Variants in PIK3R4 observed in about 807,000 individuals in gnomAD.
The protein encoded by PIK3R4 is phosphoinositide-3-kinase regulatory subunit 4, also known as phosphoinositide 3-kinase regulatory subunit 4.
In PIK3R4, 46 loss-of-function variants were observed where a neutral mutation model predicts 136.5. The observed-to-expected ratio is 0.34, with a 90% CI of 0.27 to 0.43. The LOEUF (loss-of-function observed/expected upper bound fraction) is 0.43, where lower values mean the gene tolerates loss of function less well. Ranked by LOEUF, PIK3R4 falls within the 20% of genes least tolerant of loss-of-function variation. The pLI, the probability that PIK3R4 is intolerant of heterozygous loss-of-function variation, is 1.00. For missense variants in PIK3R4, 1,331 were observed against 1,649.5 expected (o/e 0.81, Z 3.35); for synonymous variants, 557 against 566.7 (o/e 0.98, Z 0.24).
At chr3:130,717,688 A>G (rs1576458745) in intron 8 of PIK3R4, among the ~76,000 whole-genome samples, 1 of 152,348 alleles carries the variant, frequency 6.6e-6, no homozygotes, top group Non-Finnish European at 1.5e-5. Context: ...TTGAAATACA[A>G]AAGTGGGAGA....
intron 15 of PIK3R4, among the ~76,000 whole-genome samples, chr3:130,685,161 T>G (rs1261356466): frequency 6.6e-6 from 1 of 152,192 alleles, no homozygotes; most frequent in African/African-American, 2.4e-5. Context: ...AGGGGAAATG[T>G]TGATCAAAGA....
chr3:130,735,547 T>C (rs1016943350), intron 3 of PIK3R4, among the ~76,000 whole-genome samples: 3 of 152,206 alleles, frequency 2.0e-5, no homozygotes. Context: ...CATTTCTTAC[T>C]AGCAAGCTCT....
chr3:130,719,550 C>T (rs1455419954), intron 7 of PIK3R4, among the ~76,000 whole-genome samples: 2 of 152,122 alleles, frequency 1.3e-5, no homozygotes, highest in African/African-American at 4.8e-5. Context: ...CATAAATACC[C>T]TGCAGCCTCT....
chr3:130,679,527 C>G, intron 19 of PIK3R4, 42 bp from the exon 20 acceptor site: 1 of 1,464,722 alleles, frequency 6.8e-7, no homozygotes, highest in Non-Finnish European at 9.4e-7. Flanking sequence ...GGTTAAAAGT[C>G]TGTACCACAT....
At chr3:130,736,424 C>T (rs922593792) in intron 2 of PIK3R4, among the ~76,000 whole-genome samples, 1 of 151,978 alleles carries the variant, frequency 6.6e-6, no homozygotes, top group Admixed American at 6.6e-5. Flanking sequence ...CAAAAATTAG[C>T]TGGGCATGGT....
At chr3:130,715,269 A>T (rs2066657644) in intron 9 of PIK3R4, among the ~76,000 whole-genome samples, 1 of 151,852 alleles carries the variant, frequency 6.6e-6, no homozygotes, top group Admixed American at 6.6e-5. Flanking sequence ...GATTACAGGC[A>T]CACAACACTA....
chr3:130,740,908 A>C (rs2066819708), intron 2 of PIK3R4, among the ~76,000 whole-genome samples: 1 of 152,198 alleles, frequency 6.6e-6, no homozygotes, highest in Non-Finnish European at 1.5e-5. Context: ...AATCTGGGTA[A>C]AGTGTATATG....
intron 14 of PIK3R4, among the ~76,000 whole-genome samples, chr3:130,688,184 G>A (rs1559820009): frequency 6.6e-6 from 1 of 152,158 alleles, no homozygotes; most frequent in Non-Finnish European, 1.5e-5. Flanking sequence ...CTCTAACAGT[G>A]ACAAACCTGG....
In PIK3R4 at chr3:130,708,376, T is replaced by G; in HGVS notation, c.2448A>C (p.Lys816Asn). Residue 816 changes from lysine (K) to asparagine (N), a missense_variant, in exon 10 of 20, where the codon AAA becomes AAC. Physicochemically the swap from Lys to Asn is moderately conservative, Grantham distance 94. Coordinates refer to ENST00000356763, the MANE Select transcript of PIK3R4 (RefSeq NM_014602.3). ...DQSHLHDSSQKGVIDLAALGI... is the reference protein window; with the variant it reads ...DQSHLHDSSQNGVIDLAALGI... ...CTAAAGCTGCCAAGTCAATTACACC[T>G]TTCTGACTACTATCATGAAGATGGC... The G allele has an allele frequency of 5.0e-6, 8 of 1,613,844 alleles. No individual in the cohort carries two copies. The highest frequency in any genetic ancestry group is 6.8e-6 in the Non-Finnish European group (8 of 1,179,740).
At chr3:130,714,799 T>G (rs2066653295) in intron 9 of PIK3R4, among the ~76,000 whole-genome samples, 1 of 152,214 alleles carries the variant, frequency 6.6e-6, no homozygotes, top group Non-Finnish European at 1.5e-5. Flanking sequence ...TATGGCTGCA[T>G]AGTGTTCCAT....
Position 130,730,456 on chromosome 3 carries a change from A to G in PIK3R4, c.1451-14T>C. The G allele has an allele frequency of 6.5e-7, 1 of 1,544,432 alleles. No individual in the cohort carries two copies. Among genetic ancestry groups the G allele is most frequent in the Non-Finnish European group, 8.7e-7 (1 of 1,149,856 alleles). ...GAGCTATGTTTTCTATAAAATAAAA[A>G]GGAAGAAAATTTATAATTACAATCT... On this transcript the variant is annotated splice_polypyrimidine_tract_variant and intron_variant, in intron 4 of 19. Coordinates refer to ENST00000356763, the MANE Select transcript of PIK3R4 (RefSeq NM_014602.3).
At chr3:130,713,455 C>T (rs1372064727) in intron 9 of PIK3R4, among the ~76,000 whole-genome samples, 2 of 152,130 alleles carry the variant, frequency 1.3e-5, no homozygotes, top group African/African-American at 4.8e-5. Flanking sequence ...GTAACGGGGG[C>T]TGGCATTGAA....
At position 130,739,244 on chromosome 3, in the gene PIK3R4, T is replaced by C. The variant is rs536073302; in HGVS notation, c.734-3242A>G. 2.2e-3 allele frequency among the ~76,000 whole-genome samples: 329 copies of C among 151,552 alleles called. 4 individuals are homozygous for C. Among genetic ancestry groups the C allele is most frequent in the East Asian group, 1.4e-3 (7 of 5,184 alleles). ...GGCGCCTGCCACCGCGCCCAGCTAA[T>C]TTTTTGTATTTTTAGTAGAGACGGG... is the stretch of plus-strand genomic sequence containing the variant. On this transcript the variant is annotated intron_variant, in intron 2 of 19. Transcript: ENST00000356763.
chr3:130,689,603 A>C (rs1284048146), intron 14 of PIK3R4, among the ~76,000 whole-genome samples: 2 of 152,214 alleles, frequency 1.3e-5, no homozygotes, highest in Non-Finnish European at 2.9e-5. Flanking sequence ...CCTAATGGCC[A>C]TGGCTTATCA....
intron 13 of PIK3R4, among the ~76,000 whole-genome samples, chr3:130,702,161 A>C (rs577722313): frequency 1.3e-5 from 2 of 152,196 alleles, no homozygotes; most frequent in Non-Finnish European, 2.9e-5. Flanking sequence ...TAAAAATAAA[A>C]ATTTTAAACA....
rs1202437823 is a variant in PIK3R4 at position 130,733,770 on chromosome 3, T to C, written c.1228A>G (p.Ser410Gly). The change falls in exon 4 of 20, where the codon AGT (serine) becomes GGT (glycine). Residue 410 changes from serine (S) to glycine (G), a missense_variant. By Grantham distance (56) the Ser-to-Gly change is moderately conservative. Coordinates refer to ENST00000356763, the MANE Select transcript of PIK3R4 (RefSeq NM_014602.3). ...ATACGATCCAAAAGGATTTCAACAC[T>C]TAATCTTGGAGCCAAATGAAGAATC... Reference protein sequence around the residue: ...ELILHLAPRLSVEILLDRITP... With the variant: ...ELILHLAPRLGVEILLDRITP... 6.2e-7 allele frequency: 1 copy of C among 1,614,180 alleles called. No homozygotes were observed. The highest frequency in any genetic ancestry group is 8.5e-7 in the Non-Finnish European group (1 of 1,180,000).
rs533820743 is a variant in PIK3R4 at position 130,732,210 on chromosome 3, G to A, written c.1450+1338C>T. 3.9e-5 allele frequency among the ~76,000 whole-genome samples: 6 copies of A among 152,210 alleles called. 1 individual carries two copies. In the East Asian group the frequency reaches 1.2e-3, roughly 29 times the overall value. ...ATATGAAGGTAATATAACATCTAACGCTCAAGGTTGTTGCAGCTAACCCTT... is the reference window on the plus strand; with the variant it reads ...ATATGAAGGTAATATAACATCTAACACTCAAGGTTGTTGCAGCTAACCCTT... On this transcript the variant is annotated intron_variant, in intron 4 of 19. Coordinates refer to ENST00000356763, the MANE Select transcript of PIK3R4 (RefSeq NM_014602.3).
In PIK3R4 at chr3:130,728,698, A is replaced by AG; in HGVS notation, c.1586-15_1586-14insC. On this transcript the variant is annotated splice_polypyrimidine_tract_variant and intron_variant, in intron 5 of 19. Transcript: ENST00000356763. ...AGGCTTGGAGCTCTAAAAAAAAAAA[A>AG]AAAAGAAAGAAAGAAAGAAAGAAAA... 2.7e-6 allele frequency: 4 copies of AG among 1,480,256 alleles called. No homozygotes were observed. The highest frequency in any genetic ancestry group is 3.7e-6 in the Non-Finnish European group (4 of 1,095,324). 91.7% of individuals were successfully genotyped at this position (1,480,256 alleles called of 1,614,324 possible).
intron 14 of PIK3R4, among the ~76,000 whole-genome samples, chr3:130,687,193 G>C (rs1281609061): frequency 6.6e-6 from 1 of 151,954 alleles, no homozygotes; most frequent in Admixed American, 6.6e-5. Context: ...TAGCCTGATG[G>C]TAATTTTGTA....
Sources: allele counts gnomAD v4.1 joint callset (sites outside exome capture counted in the v4.1 genomes callset), GRCh38; gene constraint gnomAD v4.1.1; transcripts MANE v1.5; gene names NCBI Gene and HGNC (gene_info 2026-07-23, HGNC 2026-07-21).